The following KANK1 variants were observed in gnomAD, a reference collection of about 807,000 sequenced individuals.
KANK1 encodes KN motif and ankyrin repeat domains 1.
A neutral mutation model predicts 106.2 loss-of-function variants in KANK1; 109 were observed. The observed-to-expected ratio is 1.03, with a 90% confidence interval of 0.88 to 1.20. The LOEUF is 1.20. Ranked by LOEUF, KANK1 falls within the 50% of genes most tolerant of loss-of-function variation. KANK1 has a pLI of 0.00. For synonymous variants in KANK1, 873 were observed against 652.2 expected, an observed-to-expected ratio of 1.34 and a Z score of -5.16; for missense variants, 2,399 against 1,710.7, an observed-to-expected ratio of 1.40 and a Z score of -7.10.
chr9:553,123 G>C (rs375361817), intron 1 of KANK1, among the ~76,000 whole-genome samples: 196 of 152,262 alleles, frequency 1.3e-3, no homozygotes, highest in African/African-American at 4.7e-3. Flanking sequence ...TCCAGCCTGG[G>C]TGACAGACAG....
intron 3 of KANK1, among the ~76,000 whole-genome samples, chr9:718,953 CTTTTTTT>C (rs35097931): frequency 1.3e-5 from 1 of 78,280 alleles, no homozygotes; most frequent in Non-Finnish European, 2.3e-5. Flanking sequence ...TGCTCGAGCC[CTTTTTTT>C]TTTTTTTTTT....
intron 2 of KANK1, among the ~76,000 whole-genome samples, chr9:706,196 C>G (rs958282942): frequency 2.6e-5 from 4 of 152,112 alleles, no homozygotes; most frequent in Non-Finnish European, 4.4e-5. Flanking sequence ...AATTACAAGT[C>G]CTTTGGGTAG....
intron 1 of KANK1, among the ~76,000 whole-genome samples, chr9:533,815 T>G (rs545664047): frequency 1.1e-4 from 17 of 152,368 alleles, no homozygotes; most frequent in African/African-American, 3.8e-4. Context: ...TGGGCTGGAA[T>G]TTGTTTTCAG....
At chr9:722,263 ATTTT>A (rs1829527172) in intron 3 of KANK1, among the ~76,000 whole-genome samples, 1 of 152,080 alleles carries the variant, frequency 6.6e-6, no homozygotes, top group Non-Finnish European at 1.5e-5. Context: ...TATTTTATTT[ATTTT>A]ATTTTTTTGA....
chr9:591,589 A>G (rs1340709014), intron 1 of KANK1, among the ~76,000 whole-genome samples: 3 of 151,828 alleles, frequency 2.0e-5, no homozygotes, highest in Non-Finnish European at 4.4e-5. Context: ...GAAATTCTGC[A>G]GGTGCAGTTT....
At chr9:647,464 A>C (rs1024020972) in intron 1 of KANK1, among the ~76,000 whole-genome samples, 3 of 151,014 alleles carry the variant, frequency 2.0e-5, no homozygotes, top group African/African-American at 7.4e-5. Flanking sequence ...CTCTGTCTTT[A>C]ACATTGGTCA....
At chr9:699,838 C>T (rs945743034) in intron 2 of KANK1, among the ~76,000 whole-genome samples, 4 of 152,090 alleles carry the variant, frequency 2.6e-5, no homozygotes, top group South Asian at 2.1e-4. Context: ...AAAAATTAGC[C>T]GGGTTTGGTC....
At chr9:727,026 A>G (rs568983528) in intron 3 of KANK1, among the ~76,000 whole-genome samples, 3 of 152,222 alleles carry the variant, frequency 2.0e-5, no homozygotes, top group Non-Finnish European at 4.4e-5. Flanking sequence ...TGTATGACCT[A>G]TTTTTAATAC....
upstream of KANK1, among the ~76,000 whole-genome samples, chr9:503,814 A>G (rs979111070): frequency 6.6e-6 from 1 of 152,120 alleles, no homozygotes; most frequent in Non-Finnish European, 1.5e-5. Context: ...TTTCTCATGG[A>G]CCTACTGGAT....
chr9:698,801 T>C (rs890661635), intron 2 of KANK1, among the ~76,000 whole-genome samples: 1 of 152,326 alleles, frequency 6.6e-6, no homozygotes, highest in South Asian at 2.1e-4. Context: ...GAATAATCCA[T>C]GGAAACCCTA....
At chr9:579,348 G>C (rs1821427811) in intron 1 of KANK1, among the ~76,000 whole-genome samples, 1 of 152,112 alleles carries the variant, frequency 6.6e-6, no homozygotes, top group South Asian at 2.1e-4. Context: ...GATGTTATCA[G>C]GATACTGAAG....
At chr9:573,565 C>T (rs566441272) in intron 1 of KANK1, among the ~76,000 whole-genome samples, 3 of 152,178 alleles carry the variant, frequency 2.0e-5, no homozygotes, top group Non-Finnish European at 2.9e-5. Context: ...CCACCGCGCC[C>T]GGTCAAGGAT....
intron 1 of KANK1, among the ~76,000 whole-genome samples, chr9:620,487 A>G (rs528558596): frequency 1.1e-4 from 17 of 151,730 alleles, no homozygotes; most frequent in South Asian, 1.0e-3. Context: ...ACGGCAACCT[A>G]CACCTCCCAG....
intron 1 of KANK1, among the ~76,000 whole-genome samples, chr9:671,892 G>T (rs1815234515): frequency 2.0e-5 from 3 of 151,956 alleles, no homozygotes; most frequent in African/African-American, 7.3e-5. Flanking sequence ...AGGTTGCAGT[G>T]AGCTGAGATC....
chr9:615,005 A>G (rs1424246889), intron 1 of KANK1, among the ~76,000 whole-genome samples: 1 of 151,820 alleles, frequency 6.6e-6, no homozygotes, highest in Non-Finnish European at 1.5e-5. Context: ...CAGTGATGCA[A>G]TCATGGCTCA....
intron 3 of KANK1, among the ~76,000 whole-genome samples, chr9:718,298 C>CTTTTTTTTTT (rs60145502): frequency 2.7e-5 from 2 of 74,126 alleles, no homozygotes; most frequent in South Asian, 6.8e-4. Context: ...CTTGCTGTGT[C>CTTTTTTTTTT]TTTTTTTTTT....
intron 1 of KANK1, among the ~76,000 whole-genome samples, chr9:573,704 T>C (rs1819806163): frequency 6.6e-6 from 1 of 152,164 alleles, no homozygotes; most frequent in South Asian, 2.1e-4. Context: ...GTTGACGTTT[T>C]CTAGCTCAAC....
chr9:602,264 T>A (rs888231876), intron 1 of KANK1, among the ~76,000 whole-genome samples: 2 of 151,832 alleles, frequency 1.3e-5, no homozygotes, highest in Non-Finnish European at 2.9e-5. Flanking sequence ...TTTATTTTAT[T>A]TTATTTTATT....
rs2136553150 is a variant in KANK1 at position 625,698 on chromosome 9, TAATC to T, written c.-83-51189_-83-51186del. ...CCCCATAGAAACATTCTGAAAGACT[TAATC>T]AAACAAGTATTCAGAATAAAATGAA... is the stretch of plus-strand genomic sequence containing the variant. On this transcript the variant is annotated intron_variant, in intron 1 of 11. Transcript: ENST00000382297. Among the ~76,000 whole-genome samples, 2 of 152,334 alleles carry T rather than the reference TAATC, an allele frequency of 1.3e-5. 1 individual carries two copies. The highest frequency in any genetic ancestry group is 4.8e-5 in the African/African-American group (2 of 41,568).
Sources: gnomAD v4.1 joint callset for allele counts (sites outside exome capture counted in the v4.1 genomes callset) on GRCh38, gnomAD v4.1.1 for gene constraint, MANE v1.5 for transcripts, NCBI Gene and HGNC (gene_info 2026-07-23, HGNC 2026-07-21) for gene names.